The following WDFY3 variants were observed in gnomAD, a reference collection of about 807,000 sequenced individuals.
The protein encoded by WDFY3 is WD repeat and FYVE domain-containing protein 3.
WDFY3 carries 66 observed loss-of-function variants against 409.6 expected under a neutral mutation model. The observed-to-expected ratio is 0.16, with a 90% CI of 0.13 to 0.20. WDFY3 has a LOEUF of 0.20. Among genes scored for constraint, WDFY3 ranks in the 10% least tolerant of loss-of-function variants. The pLI is 1.00. For synonymous variants in WDFY3, 1,521 were observed against 1,537.1 expected (o/e 0.99, Z 0.25); for missense variants, 3,031 against 4,298.1 (o/e 0.71, Z 8.24).
In WDFY3 at chr4:84,715,304, T is replaced by C; in HGVS notation, c.7955A>G (p.Tyr2652Cys). 1 of 1,595,086 alleles carries C rather than the reference T, an allele frequency of 6.3e-7. No homozygotes were observed. Among genetic ancestry groups the C allele is most frequent in the Non-Finnish European group, 8.6e-7 (1 of 1,163,634 alleles). The change falls in exon 50 of 68, where the codon TAT (tyrosine) becomes TGT (cysteine). Residue 2652 changes from tyrosine (Y) to cysteine (C), a missense_variant. By Grantham distance (194) the Tyr-to-Cys change is radical (BLOSUM62 -2). Around this residue, in one of 16 missense-constraint regions of WDFY3, gnomAD observed 45 missense variants for 121.8 expected, o/e 0.37. Coordinates refer to ENST00000295888, the MANE Select transcript of WDFY3 (RefSeq NM_014991.6). ...TGTTCCGAATAAACAAGACCTTTGA[T>C]AGACTTTGTTTCTGATTCCTTTCTG... ...AFQKGIRNKV[Y>C]QRFLAVVPSL... is the part of the protein sequence containing the mutation.
At chr4:84,965,048 A>T (rs1775451709) in intron 1 of WDFY3, among the ~76,000 whole-genome samples, 1 of 152,008 alleles carries the variant, frequency 6.6e-6, no homozygotes, top group Admixed American at 6.5e-5. Flanking sequence ...ATAAAGTTTT[A>T]TTTTTTTTAA....
At chr4:84,783,222 G>C (rs2149495029) in intron 24 of WDFY3, 148 bp from the exon 25 acceptor site, 2 of 721,326 alleles carry the variant, frequency 2.8e-6, no homozygotes, top group South Asian at 3.8e-5. Context: ...GGTCCAGCCT[G>C]GTGGCTCATG....
rs1450288089 is a variant in WDFY3, at chr4:84,690,739, T to C, written c.9205-75A>G. ...AACTTCTGAAACTCAAGGAGCAGAATTGAGTGAAGGTGCAGGCACCTCACC... is the reference window on the plus strand; with the variant it reads ...AACTTCTGAAACTCAAGGAGCAGAACTGAGTGAAGGTGCAGGCACCTCACC... On this transcript the variant is annotated intron_variant, in intron 60 of 67. Coordinates refer to ENST00000295888, the MANE Select transcript of WDFY3 (RefSeq NM_014991.6). 9 of 1,491,206 alleles carry C rather than the reference T, an allele frequency of 6.0e-6. No homozygotes were observed. In the Admixed American group the frequency reaches 1.2e-4, roughly 20 times the overall value. The allele number at this position is 1,491,206 out of a possible 1,614,324, so 92.4% of individuals were successfully genotyped here.
intron 2 of WDFY3, among the ~76,000 whole-genome samples, chr4:84,919,626 T>C (rs1277464417): frequency 6.6e-6 from 1 of 152,152 alleles, no homozygotes; most frequent in Non-Finnish European, 1.5e-5. Context: ...TGATAGTGAG[T>C]GAGTTCTCTA....
chr4:84,687,850 A>C, intron 62 of WDFY3: 1 of 396,112 alleles, frequency 2.5e-6, no homozygotes, highest in Non-Finnish European at 4.6e-6. Flanking sequence ...ACCCCTCCTT[A>C]GGCAACTTGG....
intron 8 of WDFY3, among the ~76,000 whole-genome samples, chr4:84,830,106 T>G (rs1755480244): frequency 6.6e-6 from 1 of 152,140 alleles, no homozygotes; most frequent in African/African-American, 2.4e-5. Context: ...AATAACTGAC[T>G]CATATATTAG....
chr4:84,777,478 T>G (rs2149462331), intron 27 of WDFY3, among the ~76,000 whole-genome samples: 1 of 151,976 alleles, frequency 6.6e-6, no homozygotes, highest in African/African-American at 2.4e-5. Context: ...GAAGTATAAC[T>G]TGAAAGAATA....
At chr4:84,678,805 C>T in intron 65 of WDFY3, 114 bp downstream of exon 65, 1 of 1,188,852 alleles carries the variant, frequency 8.4e-7, no homozygotes, top group South Asian at 1.6e-5. Context: ...AGTGGCCCAG[C>T]TCACGGGGCA....
chr4:84,803,599 A>T lies in WDFY3; in HGVS notation c.2430-132T>A. The T allele has an allele frequency of 8.1e-6, 8 of 986,314 alleles. No individual in the cohort carries two copies. In the South Asian group the frequency reaches 1.4e-4, roughly 17 times the overall value. The allele number at this position is 986,314 out of a possible 1,614,324, so 61.1% of individuals were successfully genotyped here. ...TTAAGGTTGGGATAGAAAAAAAGGAATATATTATCAACTCGAGTTGATATG... is the reference window on the plus strand; with the variant it reads ...TTAAGGTTGGGATAGAAAAAAAGGATTATATTATCAACTCGAGTTGATATG... On this transcript the variant is annotated intron_variant, in intron 15 of 67. Coordinates refer to ENST00000295888, the MANE Select transcript of WDFY3 (RefSeq NM_014991.6).
chr4:84,861,822 AC>A lies in WDFY3; in HGVS notation c.-31-1201del, dbSNP rs375415520. On this transcript the variant is annotated intron_variant, in intron 3 of 67. Transcript: ENST00000295888. ...CAGTAAGCTTTCAGAAAGCATCATT[AC>A]CCCTTTTTAACCACTACTAATGATG... 5.0e-3 allele frequency among the ~76,000 whole-genome samples: 760 copies of A among 152,288 alleles called. 8 individuals are homozygous for A. The highest frequency in any genetic ancestry group is 0.017 in the African/African-American group (714 of 41,562).
At chr4:84,837,283 T>G (rs1173459587) in intron 6 of WDFY3, among the ~76,000 whole-genome samples, 193 bp from the exon 7 acceptor site, 1 of 152,152 alleles carries the variant, frequency 6.6e-6, no homozygotes, top group African/African-American at 2.4e-5. Context: ...AATCAAATAG[T>G]GAGATTTTGT....
chr4:84,924,464 C>G (rs1769711193), intron 2 of WDFY3, among the ~76,000 whole-genome samples: 1 of 152,206 alleles, frequency 6.6e-6, no homozygotes, highest in African/African-American at 2.4e-5. Flanking sequence ...TGCCAAGTAC[C>G]TACCATATGC....
chr4:84,678,884 A>T, intron 65 of WDFY3, 35 bp downstream of exon 65: 1 of 1,577,196 alleles, frequency 6.3e-7, no homozygotes, highest in Non-Finnish European at 8.6e-7. Flanking sequence ...CACCACATAT[A>T]AGGAGTGAGA....
chr4:84,953,531 A>G (rs1333677802), intron 1 of WDFY3, among the ~76,000 whole-genome samples: 1 of 152,102 alleles, frequency 6.6e-6, no homozygotes, highest in Non-Finnish European at 1.5e-5. Context: ...CATCATGTGA[A>G]TATCTTAAAT....
intron 32 of WDFY3, 83 bp from the exon 33 acceptor site, chr4:84,757,244 T>C (rs1042298618): frequency 4.2e-5 from 53 of 1,254,516 alleles, no homozygotes; most frequent in Non-Finnish European, 6.0e-5. Flanking sequence ...AGTAATTCAG[T>C]ATGTGTTAAC....
At chr4:84,679,392 G>T (rs1179515716) in intron 64 of WDFY3, 150 bp from the exon 65 acceptor site, 2 of 827,958 alleles carry the variant, frequency 2.4e-6, no homozygotes, top group Non-Finnish European at 3.4e-6. Context: ...TAAGTGCCAG[G>T]ATTTTTGGCT....
chr4:84,844,566 C>G, intron 5 of WDFY3: 1 of 1,265,738 alleles, frequency 7.9e-7, no homozygotes, highest in South Asian at 1.2e-5. Flanking sequence ...TTCCACTAAT[C>G]CCACCACAAG....
intron 10 of WDFY3, among the ~76,000 whole-genome samples, chr4:84,825,000 C>T (rs1437902003): frequency 6.6e-6 from 1 of 152,116 alleles, no homozygotes; most frequent in Non-Finnish European, 1.5e-5. Flanking sequence ...TAAATTCTGA[C>T]TCTTAGGGCA....
At chr4:84,887,490 A>C (rs1421934507) in intron 3 of WDFY3, among the ~76,000 whole-genome samples, 5 of 152,188 alleles carry the variant, frequency 3.3e-5, no homozygotes, top group African/African-American at 7.2e-5. Context: ...GGACAGCATC[A>C]GTAATTAGCA....
Sources: allele counts gnomAD v4.1 joint callset (sites outside exome capture counted in the v4.1 genomes callset), GRCh38; gene constraint gnomAD v4.1.1; regional missense constraint gnomAD v4.1.1; transcripts MANE v1.5; gene names NCBI Gene and HGNC (gene_info 2026-07-23, HGNC 2026-07-21).